Variants in DPYD observed in about 807,000 individuals in gnomAD.
The protein encoded by DPYD is dihydropyrimidine dehydrogenase.
A neutral mutation model predicts 116.2 loss-of-function variants in DPYD; 109 were observed. The observed-to-expected ratio is 0.94, with a 90% CI of 0.80 to 1.10. The LOEUF (loss-of-function observed/expected upper bound fraction) is 1.10, where lower values mean the gene tolerates loss of function less well. DPYD is among the 50% of genes least tolerant of loss of function. The pLI is 0.00. For missense variants in DPYD, 1,302 were observed against 1,254.5 expected (o/e 1.04, Z -0.57); for synonymous variants, 440 against 432.0 (o/e 1.02, Z -0.23).
chr1:97,317,023 T>C (rs963086269), intron 16 of DPYD, among the ~76,000 whole-genome samples: 3 of 151,950 alleles, frequency 2.0e-5, no homozygotes, highest in Non-Finnish European at 4.4e-5. Flanking sequence ...AGCCATACAT[T>C]GGCCATATTT....
chr1:97,374,732 A>C (rs1671508955), intron 15 of DPYD, among the ~76,000 whole-genome samples: 1 of 148,704 alleles, frequency 6.7e-6, no homozygotes, highest in Admixed American at 6.7e-5. Context: ...AAAAAAAAAA[A>C]AAAAAAAAAA....
At chr1:97,524,199 T>A (rs1281224599) in intron 12 of DPYD, among the ~76,000 whole-genome samples, 1 of 152,120 alleles carries the variant, frequency 6.6e-6, no homozygotes, top group African/African-American at 2.4e-5. Context: ...TGGGGTCCCT[T>A]AGATGCAGAA....
At chr1:97,410,201 A>G (rs989614755) in intron 14 of DPYD, among the ~76,000 whole-genome samples, 1 of 152,024 alleles carries the variant, frequency 6.6e-6, no homozygotes, top group African/African-American at 2.4e-5. Flanking sequence ...TTCTCTCTGC[A>G]GCTGAAATGT....
chr1:97,294,049 C>A (rs1364597562), intron 18 of DPYD, among the ~76,000 whole-genome samples: 3 of 152,038 alleles, frequency 2.0e-5, no homozygotes, highest in African/African-American at 7.2e-5. Context: ...GTCCCTGAAA[C>A]TTTCATAAAT....
chr1:97,854,938 CATGAATGCTTT>C (rs1356386070), intron 2 of DPYD: 1 of 152,206 alleles, frequency 6.6e-6, no homozygotes, highest in East Asian at 1.9e-4. Flanking sequence ...ACAGAGAACC[CATGAATGCTTT>C]ATGGGTATGA....
chr1:97,468,168 C>A lies in DPYD; in HGVS notation c.1741-17945G>T, dbSNP rs1357541870. ...TTTATGGACACTAAAATTTGACTTCCATATGTATATATGTATTAATCAGTT... is the reference window on the plus strand; with the variant it reads ...TTTATGGACACTAAAATTTGACTTCAATATGTATATATGTATTAATCAGTT... On this transcript the variant is annotated intron_variant, in intron 13 of 22. Transcript: ENST00000370192. Among the ~76,000 whole-genome samples, 4 of 152,168 alleles carry A rather than the reference C, an allele frequency of 2.6e-5. No homozygotes were observed. The East Asian group carries it at 7.7e-4, about 29-fold the overall frequency.
chr1:97,399,105 T>A (rs1338151258), intron 14 of DPYD, among the ~76,000 whole-genome samples: 2 of 152,076 alleles, frequency 1.3e-5, no homozygotes, highest in Non-Finnish European at 2.9e-5. Context: ...CTTTAATCGG[T>A]CTTGAATTAA....
intron 16 of DPYD, among the ~76,000 whole-genome samples, chr1:97,364,064 T>C (rs79124115): frequency 0.046 from 7,023 of 152,286 alleles, 220 homozygotes; most frequent in Middle Eastern, 0.11. Context: ...TCTATATCTA[T>C]ACAGATATTA....
chr1:97,079,137 A>G lies in DPYD; in HGVS notation c.2917T>C (p.Phe973Leu). 1 of 1,613,466 alleles carries G rather than the reference A, an allele frequency of 6.2e-7. No homozygotes were observed. Among genetic ancestry groups the G allele is most frequent in the Non-Finnish European group, 8.5e-7 (1 of 1,179,598 alleles). ...GTGGGCAGGTGGGTTTCTGGATCAA[A>G]CTGTATAGCCTGCAAACAGAAATAG... ...CNDSGYQAIQ[F>L]DPETHLPTIT... Residue 973 changes from phenylalanine (F) to leucine (L), a missense_variant, in exon 23 of 23, where the codon TTT becomes CTT. Phe to Leu is a conservative substitution (Grantham distance 22). Coordinates refer to ENST00000370192, the MANE Select transcript of DPYD (RefSeq NM_000110.4).
chr1:97,140,728 A>G (rs1654155244), intron 20 of DPYD, among the ~76,000 whole-genome samples: 1 of 152,046 alleles, frequency 6.6e-6, no homozygotes, highest in South Asian at 2.1e-4. Flanking sequence ...TAAAGCAGAG[A>G]TTGTTTAAAT....
chr1:97,791,226 T>C (rs1054090303), intron 3 of DPYD, among the ~76,000 whole-genome samples: 1 of 152,170 alleles, frequency 6.6e-6, no homozygotes, highest in African/African-American at 2.4e-5. Context: ...TCCTATCAAA[T>C]GTCAGAGAAC....
At chr1:97,381,442 A>G (rs1001153085) in intron 15 of DPYD, among the ~76,000 whole-genome samples, 1 of 152,216 alleles carries the variant, frequency 6.6e-6, no homozygotes, top group Non-Finnish European at 1.5e-5. Flanking sequence ...CATGCCAAGC[A>G]TGGGCTCTGT....
intron 18 of DPYD, among the ~76,000 whole-genome samples, chr1:97,301,319 T>C (rs1202141259): frequency 6.6e-6 from 1 of 152,080 alleles, no homozygotes; most frequent in African/African-American, 2.4e-5. Flanking sequence ...TCATACATAA[T>C]GAATAACTTC....
At chr1:97,801,273 G>C (rs1029553451) in intron 3 of DPYD, among the ~76,000 whole-genome samples, 2 of 151,842 alleles carry the variant, frequency 1.3e-5, no homozygotes, top group African/African-American at 4.8e-5. Flanking sequence ...ACCTCTACTG[G>C]CTCCTTGATC....
At chr1:97,458,671 T>C (rs900109941) in intron 13 of DPYD, among the ~76,000 whole-genome samples, 1 of 152,148 alleles carries the variant, frequency 6.6e-6, no homozygotes, top group Non-Finnish European at 1.5e-5. Context: ...ATGCTCTCAC[T>C]AGAAAATAAC....
chr1:97,273,831 T>A (rs545909127), intron 18 of DPYD, among the ~76,000 whole-genome samples: 68 of 152,302 alleles, frequency 4.5e-4, no homozygotes, highest in African/African-American at 1.6e-3. Context: ...TTTCTTGATA[T>A]CTGTACAATT....
chr1:97,527,325 C>T (rs980912013), intron 12 of DPYD, among the ~76,000 whole-genome samples: 7 of 152,070 alleles, frequency 4.6e-5, no homozygotes, highest in Admixed American at 3.9e-4. Flanking sequence ...GATCTGCCTG[C>T]CTTGGCCTCC....
intron 13 of DPYD, among the ~76,000 whole-genome samples, chr1:97,450,646 AT>A (rs915099278): frequency 3.1e-4 from 46 of 149,916 alleles, no homozygotes; most frequent in East Asian, 9.8e-4. Context: ...AAAAGTTTAT[AT>A]TTTTTTTTTC....
At chr1:97,516,010 A>T (rs1040423239) in intron 12 of DPYD, 69 bp from the exon 13 acceptor site, 1 of 1,421,028 alleles carries the variant, frequency 7.0e-7, no homozygotes, top group African/African-American at 1.4e-5. Flanking sequence ...TTTACCAAAA[A>T]AATCACTTCA....
Sources: allele counts gnomAD v4.1 joint callset (sites outside exome capture counted in the v4.1 genomes callset), GRCh38; gene constraint gnomAD v4.1.1; transcripts MANE v1.5; gene names NCBI Gene and HGNC (gene_info 2026-07-23, HGNC 2026-07-21).